PEBP4: variants seen among roughly 807,000 people sequenced by gnomAD.
PEBP4 encodes the protein phosphatidylethanolamine-binding protein 4.
PEBP4 carries 22 observed loss-of-function variants against 23.9 expected under a neutral mutation model. The ratio of observed to expected loss-of-function variants is 0.92; its 90% confidence interval spans 0.66 to 1.31. The LOEUF is 1.31. Ranked by LOEUF, PEBP4 falls within the 40% of genes most tolerant of loss-of-function variation. PEBP4 has a pLI of 0.00. For missense variants in PEBP4, 324 were observed against 281.7 expected, an observed-to-expected ratio of 1.15 and a Z score of -1.07; for synonymous variants, 112 against 99.3, an observed-to-expected ratio of 1.13 and a Z score of -0.76.
chr8:22,922,814 C>CA (rs5890079), intron 2 of PEBP4, among the ~76,000 whole-genome samples: 90,006 of 151,792 alleles, frequency 0.59, 27,018 homozygotes, highest in East Asian at 0.78. Context: ...ACATGGAATT[C>CA]TTCTAATTTC....
upstream of PEBP4, among the ~76,000 whole-genome samples, chr8:22,928,630 G>A (rs548182006): frequency 3.4e-3 from 520 of 152,148 alleles, 2 homozygotes; most frequent in African/African-American, 0.012. Context: ...GAATAAAGGC[G>A]GCTTGCAACA....
chr8:22,808,571 C>T (rs28416455), intron 4 of PEBP4, among the ~76,000 whole-genome samples: 5 of 152,150 alleles, frequency 3.3e-5, no homozygotes, highest in East Asian at 1.9e-4. Context: ...AGCAGCACAG[C>T]GGGACTGACT....
At chr8:22,871,974 A>G (rs1411977906) in intron 3 of PEBP4, among the ~76,000 whole-genome samples, 3 of 152,136 alleles carry the variant, frequency 2.0e-5, no homozygotes, top group Admixed American at 2.0e-4. Flanking sequence ...TATCACTGTT[A>G]TGCCTTTGCA....
At chr8:22,787,018 T>A (rs1490907608) in intron 4 of PEBP4, among the ~76,000 whole-genome samples, 1 of 152,160 alleles carries the variant, frequency 6.6e-6, no homozygotes, top group Non-Finnish European at 1.5e-5. Context: ...AGACAGGGTC[T>A]CTCTGTGTTG....
At chr8:22,915,606 C>T (rs1050528209) in intron 3 of PEBP4, among the ~76,000 whole-genome samples, 6 of 152,184 alleles carry the variant, frequency 3.9e-5, no homozygotes, top group Admixed American at 2.0e-4. Context: ...GTAATATTTA[C>T]GAAGTGAGTC....
intron 4 of PEBP4, among the ~76,000 whole-genome samples, chr8:22,744,325 G>A (rs1355940657): frequency 6.6e-6 from 1 of 152,252 alleles, no homozygotes. Context: ...AGACTCACCT[G>A]TTTTCTCCTG....
intron 3 of PEBP4, among the ~76,000 whole-genome samples, chr8:22,835,120 C>A (rs914460225): frequency 9.2e-5 from 14 of 152,080 alleles, no homozygotes; most frequent in African/African-American, 3.4e-4. Flanking sequence ...GGATTCCAGC[C>A]CCAGTTCTAC....
rs1809173155 is a variant in PEBP4 at position 22,920,282 on chromosome 8, C to T, written c.160G>A (p.Gly54Arg). Residue 54 changes from glycine to arginine, a missense_variant, in exon 3 of 7, where the codon GGG becomes AGG. By Grantham distance (125) the Gly-to-Arg change is moderately radical (BLOSUM62 -2). Transcript: ENST00000256404. ...QGLEVFYPEL[G>R]NIGCKVVPDC... is the part of the protein sequence containing the mutation. The stretch of plus-strand genomic sequence containing the variant: ...GGAACAACCTTGCAGCCAATGTTCC[C>T]CAACTCTGGGTAGAAAACTTCAAGG... 1.2e-6 allele frequency: 2 copies of T among 1,613,496 alleles called. No individual in the cohort carries two copies. Among genetic ancestry groups the T allele is most frequent in the African/African-American group, 1.3e-5 (1 of 75,018 alleles).
At position 22,865,387 on chromosome 8, in the gene PEBP4, GGCGGGACCCCGGGCCT is replaced by G. The variant is rs1807868644; in HGVS notation, c.259-47668_259-47653del. Among the ~76,000 whole-genome samples the G allele has an allele frequency of 6.7e-6, 1 of 150,342 alleles. No individual in the cohort carries two copies. The highest frequency in any genetic ancestry group is 2.0e-4 in the East Asian group (1 of 5,008). On this transcript the variant is annotated intron_variant, in intron 3 of 6. Transcript: ENST00000256404. The surrounding 1 kb of genome is among the most constrained non-coding windows in gnomAD (Gnocchi z 6.9). Reference sequence around the variant, plus strand: ...TGACGGTGGCGGTGGCGGTGGCGGCGGCGGGACCCCGGGCCTGGCTGCGCGCTCCACCTGCGCCTCC... The same window carrying G: ...TGACGGTGGCGGTGGCGGTGGCGGCGGGCTGCGCGCTCCACCTGCGCCTCC...
At chr8:22,898,408 A>AC (rs1563253527) in intron 3 of PEBP4, among the ~76,000 whole-genome samples, 4 of 91,424 alleles carry the variant, frequency 4.4e-5, no homozygotes, top group African/African-American at 1.1e-4. Context: ...AAAAAAAAAA[A>AC]AAAAAAAAAA....
At chr8:22,724,695 T>G (rs1804587568) in intron 6 of PEBP4, 148 bp downstream of exon 6, 1 of 640,708 alleles carries the variant, frequency 1.6e-6, no homozygotes, top group Admixed American at 2.6e-5. Flanking sequence ...CTCCTTCCAG[T>G]TCACTCCCAA....
At chr8:22,881,158 T>C (rs1563247713) in intron 3 of PEBP4, among the ~76,000 whole-genome samples, 1 of 152,344 alleles carries the variant, frequency 6.6e-6, no homozygotes, top group East Asian at 1.9e-4. Context: ...CTTGAGTGTG[T>C]CCATGGGGCC....
At chr8:22,860,149 T>G (rs1271841535) in intron 3 of PEBP4, among the ~76,000 whole-genome samples, 1 of 137,384 alleles carries the variant, frequency 7.3e-6, no homozygotes, top group African/African-American at 2.7e-5. Flanking sequence ...GAAAAAAAAT[T>G]ATATATACAC....
intron 3 of PEBP4, among the ~76,000 whole-genome samples, chr8:22,858,411 G>A (rs528038395): frequency 6.7e-4 from 102 of 152,328 alleles, no homozygotes; most frequent in African/African-American, 2.3e-3. Context: ...TTTGGTAAAT[G>A]CAGAGATAAG....
chr8:22,940,814 C>G (rs980302388), intron 1 of PEBP4, among the ~76,000 whole-genome samples: 2 of 152,170 alleles, frequency 1.3e-5, no homozygotes, highest in Non-Finnish European at 2.9e-5. Context: ...TAATAGCTCC[C>G]TAGGCCAAGG....
At chr8:22,923,408 CAT>C (rs1359534943) in intron 2 of PEBP4, among the ~76,000 whole-genome samples, 2 of 152,068 alleles carry the variant, frequency 1.3e-5, no homozygotes, top group East Asian at 1.9e-4. Flanking sequence ...CTCTATAAAA[CAT>C]AGAAAAAATT....
intron 1 of PEBP4, among the ~76,000 whole-genome samples, chr8:22,935,301 A>C (rs942360460): frequency 6.6e-6 from 1 of 152,112 alleles, no homozygotes; most frequent in Admixed American, 6.5e-5. Context: ...TGGGTGGATC[A>C]CTTGAGGTCA....
chr8:22,796,262 G>A lies in PEBP4; in HGVS notation c.357+21375C>T, dbSNP rs1377068361. On this transcript the variant is annotated intron_variant, in intron 4 of 6. Coordinates refer to ENST00000256404, the MANE Select transcript of PEBP4 (RefSeq NM_144962.3). Reference sequence around the variant, plus strand: ...CTCAGCAATTCTCAAGTGTGCGTGTGTGTGTGTGTGTGTGTGTGTGTGTGT... The same window carrying A: ...CTCAGCAATTCTCAAGTGTGCGTGTATGTGTGTGTGTGTGTGTGTGTGTGT... 1.3e-4 allele frequency among the ~76,000 whole-genome samples: 8 copies of A among 62,092 alleles called. No individual in the cohort carries two copies. The East Asian group carries it at 1.4e-3, about 11-fold the overall frequency. 40.7% of individuals were successfully genotyped at this position (62,092 alleles called of 152,430 possible). A position where few individuals can be genotyped will look rare whatever the true frequency, so the allele number is the denominator to read the frequency against.
chr8:22,853,143 C>T (rs748037688), intron 3 of PEBP4, among the ~76,000 whole-genome samples: 1 of 152,218 alleles, frequency 6.6e-6, no homozygotes, highest in Non-Finnish European at 1.5e-5. Context: ...TTTCGGTATG[C>T]GTAGAACACG....
Sources: allele counts gnomAD v4.1 joint callset (sites outside exome capture counted in the v4.1 genomes callset), GRCh38; gene constraint gnomAD v4.1.1; non-coding constraint Gnocchi (gnomAD v3.1); transcripts MANE v1.5; gene names NCBI Gene and HGNC (gene_info 2026-07-23, HGNC 2026-07-21).